Variants in LAMA2 observed in about 807,000 individuals in gnomAD.
The protein encoded by LAMA2 is laminin subunit alpha 2.
A neutral mutation model predicts 364.8 loss-of-function variants in LAMA2; 269 were observed. The observed-to-expected ratio is 0.74, with a 90% CI of 0.67 to 0.82. LAMA2 has a LOEUF of 0.82. Ranked by LOEUF, LAMA2 falls within the 40% of genes least tolerant of loss-of-function variation. LAMA2 has a pLI of 0.00. For missense variants in LAMA2, 3,807 were observed against 3,873.2 expected, an observed-to-expected ratio of 0.98 and a Z score of 0.45; for synonymous variants, 1,379 against 1,370.6, an observed-to-expected ratio of 1.01 and a Z score of -0.14.
chr6:128,976,522 A>T (rs1782540866), intron 1 of LAMA2, among the ~76,000 whole-genome samples: 1 of 152,166 alleles, frequency 6.6e-6, no homozygotes, highest in Non-Finnish European at 1.5e-5. Context: ...AGATATCAAC[A>T]CCAGAGAGGA....
In LAMA2 at chr6:129,492,407, C is replaced by T; in HGVS notation, c.8168C>T (p.Ala2723Val). ...CTCCGTGAAGATGAAGATGGAGCAG[C>T]TCCAGCTGAAATAGTTATCCAGCCT... Reference protein sequence around the residue: ...QKLREDEDGAAPAEIVIQPEP... With the variant: ...QKLREDEDGAVPAEIVIQPEP... Residue 2723 changes from alanine to valine, a missense_variant, in exon 58 of 65, where the codon GCT becomes GTT. By Grantham distance (64) the Ala-to-Val change is moderately conservative. Coordinates refer to ENST00000421865, the MANE Select transcript of LAMA2 (RefSeq NM_000426.4). 6.2e-7 allele frequency: 1 copy of T among 1,614,168 alleles called. No homozygotes were observed. Among genetic ancestry groups the T allele is most frequent in the Non-Finnish European group, 8.5e-7 (1 of 1,179,986 alleles).
chr6:129,500,652 G>T (rs1785559243), intron 58 of LAMA2, among the ~76,000 whole-genome samples: 1 of 152,130 alleles, frequency 6.6e-6, no homozygotes, highest in South Asian at 2.1e-4. Flanking sequence ...CTTGACCAGT[G>T]CCTTGTCCAT....
intron 12 of LAMA2, among the ~76,000 whole-genome samples, chr6:129,215,810 C>T (rs1322621221): frequency 2.6e-5 from 4 of 152,060 alleles, no homozygotes; most frequent in Non-Finnish European, 5.9e-5. Flanking sequence ...TAATTCTTAA[C>T]CCCCTTGCTT....
chr6:128,983,272 C>T (rs1002401917), intron 1 of LAMA2, among the ~76,000 whole-genome samples: 2 of 152,084 alleles, frequency 1.3e-5, no homozygotes, highest in East Asian at 1.9e-4. Context: ...TCTCCAGCCC[C>T]TGTTGTTTCC....
intron 60 of LAMA2, 111 bp downstream of exon 60, chr6:129,503,391 A>G (rs188579061): frequency 1.4e-4 from 132 of 977,654 alleles, no homozygotes; most frequent in Admixed American, 5.7e-4. Flanking sequence ...ACTCTGGCAG[A>G]AGCTAAAAAT....
At chr6:129,275,769 G>A (rs541667489) in intron 17 of LAMA2, among the ~76,000 whole-genome samples, 14 of 148,358 alleles carry the variant, frequency 9.4e-5, no homozygotes, top group African/African-American at 2.7e-4. Flanking sequence ...TTAATAAGTC[G>A]TATCTATAAT....
chr6:129,077,242 G>C (rs1773723368), intron 3 of LAMA2, among the ~76,000 whole-genome samples: 1 of 151,912 alleles, frequency 6.6e-6, no homozygotes, highest in African/African-American at 2.4e-5. Context: ...ATCCATCATT[G>C]TGAAGAATAA....
chr6:129,247,513 A>T (rs973573793), intron 12 of LAMA2, among the ~76,000 whole-genome samples: 1 of 152,238 alleles, frequency 6.6e-6, no homozygotes, highest in South Asian at 2.1e-4. Flanking sequence ...TATAAATGTG[A>T]TCATAAACGC....
chr6:129,194,669 T>A (rs559401613), intron 12 of LAMA2, among the ~76,000 whole-genome samples: 3 of 152,318 alleles, frequency 2.0e-5, no homozygotes, highest in African/African-American at 7.2e-5. Context: ...ACATTTTTAA[T>A]GTAACGTGGA....
rs534642137 is a variant in LAMA2, at chr6:129,403,256, C to A, written c.5727-565C>A. On this transcript the variant is annotated intron_variant, in intron 39 of 64. Transcript: ENST00000421865. ...TTGAAGACCTTGGACAATATATGAA[C>A]TATCATTTTATTTTATGTCAAACTT... Among the ~76,000 whole-genome samples the A allele has an allele frequency of 4.0e-3, 444 of 112,136 alleles. 2 individuals are homozygous for A. Among genetic ancestry groups the A allele is most frequent in the African/African-American group, 0.016 (421 of 25,812 alleles). The allele number at this position is 112,136 out of a possible 152,430, so 73.6% of individuals were successfully genotyped here.
intron 28 of LAMA2, among the ~76,000 whole-genome samples, chr6:129,321,585 C>T (rs1206858034): frequency 1.3e-5 from 2 of 152,194 alleles, no homozygotes; most frequent in Non-Finnish European, 2.9e-5. Context: ...ATCTCCCTCA[C>T]CTACAGCCTG....
chr6:128,989,088 C>T (rs1393894622), intron 1 of LAMA2, among the ~76,000 whole-genome samples: 2 of 152,022 alleles, frequency 1.3e-5, no homozygotes, highest in Non-Finnish European at 2.9e-5. Context: ...TTAAGTCTGC[C>T]TTCTCTAATT....
intron 1 of LAMA2, among the ~76,000 whole-genome samples, chr6:128,939,998 T>C (rs569248144): frequency 2.0e-5 from 3 of 152,184 alleles, no homozygotes; most frequent in Non-Finnish European, 4.4e-5. Context: ...AAGTTTACAG[T>C]GGTCTACCAT....
chr6:128,923,819 A>T (rs1362173045), intron 1 of LAMA2, among the ~76,000 whole-genome samples: 1 of 152,172 alleles, frequency 6.6e-6, no homozygotes. Context: ...ATACAGGTCC[A>T]TCTGGTGACT....
At chr6:129,480,971 A>G (rs1784317375) in intron 54 of LAMA2, among the ~76,000 whole-genome samples, 2 of 152,112 alleles carry the variant, frequency 1.3e-5, no homozygotes, top group South Asian at 2.1e-4. Context: ...ACAACAACAA[A>G]AAAAGGTACC....
intron 55 of LAMA2, among the ~76,000 whole-genome samples, chr6:129,485,075 C>A (rs563858676): frequency 6.6e-6 from 1 of 152,018 alleles, no homozygotes; most frequent in Non-Finnish European, 1.5e-5. Context: ...CAAATGCCCT[C>A]GTCAATTTTT....
At chr6:129,362,149 C>A (rs1777501706) in intron 32 of LAMA2, among the ~76,000 whole-genome samples, 1 of 152,040 alleles carries the variant, frequency 6.6e-6, no homozygotes, top group African/African-American at 2.4e-5. Context: ...TCATGGTGTT[C>A]TTTCCTCCTA....
At chr6:129,271,402 C>G (rs1787923413) in intron 17 of LAMA2, among the ~76,000 whole-genome samples, 1 of 151,574 alleles carries the variant, frequency 6.6e-6, no homozygotes, top group East Asian at 1.9e-4. Context: ...AGGGCAGCCT[C>G]TCTCAGTAAA....
intron 34 of LAMA2, among the ~76,000 whole-genome samples, chr6:129,373,032 A>G (rs1208883617): frequency 6.6e-6 from 1 of 152,146 alleles, no homozygotes; most frequent in African/African-American, 2.4e-5. Flanking sequence ...TATTTTGGGT[A>G]ATAGTCCTTT....
Sources: allele counts gnomAD v4.1 joint callset (sites outside exome capture counted in the v4.1 genomes callset), GRCh38; gene constraint gnomAD v4.1.1; transcripts MANE v1.5; gene names NCBI Gene and HGNC (gene_info 2026-07-23, HGNC 2026-07-21).